IGHMBP2: variants seen among roughly 807,000 people sequenced by gnomAD.
IGHMBP2 encodes the protein DNA-binding protein SMUBP-2.
Under a neutral mutation model 96.0 loss-of-function variants are expected in IGHMBP2, and 81 were observed. That is an observed-to-expected ratio of 0.84 (90% confidence interval 0.71 to 1.01). The LOEUF (loss-of-function observed/expected upper bound fraction) is 1.01, where lower values mean the gene tolerates loss of function less well. Ranked by LOEUF, IGHMBP2 falls within the 50% of genes least tolerant of loss-of-function variation. The pLI, the probability that IGHMBP2 is intolerant of heterozygous loss-of-function variation, is 0.00. For missense variants in IGHMBP2, 1,227 were observed against 1,306.3 expected (o/e 0.94, Z 0.94); for synonymous variants, 557 against 548.9 (o/e 1.01, Z -0.21).
In IGHMBP2 at chr11:68,936,561, G is replaced by C; in HGVS notation, c.2081G>C (p.Arg694Pro). ...QEAAAPARQG[R>P]KKPAGKSLAS... is the part of the protein sequence containing the mutation. ...GCTGCAGCACCTGCCAGACAGGGCC[G>C]GAAGAAGCCGGCTGGGAAGTCTCTG... Residue 694 changes from arginine to proline, a missense_variant, in exon 13 of 15, where the codon CGG (arginine) becomes CCG (proline). By Grantham distance (103) the Arg-to-Pro change is moderately radical. Transcript: ENST00000255078. 6.2e-7 allele frequency: 1 copy of C among 1,611,984 alleles called. No individual in the cohort carries two copies. Among genetic ancestry groups the C allele is most frequent in the Non-Finnish European group, 8.5e-7 (1 of 1,178,916 alleles).
intron 12 of IGHMBP2, among the ~76,000 whole-genome samples, chr11:68,935,871 G>A (rs1187980133): frequency 6.6e-6 from 1 of 152,238 alleles, no homozygotes; most frequent in Non-Finnish European, 1.5e-5. Flanking sequence ...TTCTCAGAAG[G>A]CAGAAAGCAG....
chr11:68,928,436 G>A (rs1859151373), intron 7 of IGHMBP2, among the ~76,000 whole-genome samples: 1 of 152,170 alleles, frequency 6.6e-6, no homozygotes, highest in Non-Finnish European at 1.5e-5. Flanking sequence ...TCTTCATCAT[G>A]GCATTATGTA....
chr11:68,933,997 T>A, intron 10 of IGHMBP2, 84 bp downstream of exon 10: 1 of 969,516 alleles, frequency 1.0e-6, no homozygotes, highest in Non-Finnish European at 1.6e-6. Context: ...AATTGCCTAA[T>A]TCCGGGAGGA....
chr11:68,935,972 C>CCAGGCGGCCCCTGAGGCTGGGCTTAG (rs1412587996), intron 12 of IGHMBP2, among the ~76,000 whole-genome samples: 1 of 152,210 alleles, frequency 6.6e-6, no homozygotes, highest in Non-Finnish European at 1.5e-5. Flanking sequence ...CAGCCACACC[C>CCAGGCGGCCCCTGAGGCTGGGCTTAG]CAGGCGGCCC....
intron 13 of IGHMBP2, among the ~76,000 whole-genome samples, chr11:68,937,469 G>T (rs1030032673): frequency 4.6e-5 from 7 of 152,266 alleles, no homozygotes; most frequent in African/African-American, 1.4e-4. Flanking sequence ...CTTGCACAGC[G>T]AAAGGGTGCA....
chr11:68,911,673 A>C, intron 5 of IGHMBP2, 70 bp downstream of exon 5: 7 of 1,462,108 alleles, frequency 4.8e-6, no homozygotes, highest in Non-Finnish European at 6.7e-6. Context: ...GTGGGTGCTC[A>C]GCGACCTTTC....
chr11:68,936,004 A>G (rs1321250547), intron 12 of IGHMBP2, among the ~76,000 whole-genome samples: 3 of 152,188 alleles, frequency 2.0e-5, no homozygotes, highest in Non-Finnish European at 4.4e-5. Context: ...CTTAGAAGGA[A>G]AGGAGCGACA....
chr11:68,928,196 G>A (rs1490323511), intron 7 of IGHMBP2, among the ~76,000 whole-genome samples: 1 of 152,222 alleles, frequency 6.6e-6, no homozygotes, highest in Non-Finnish European at 1.5e-5. Flanking sequence ...CACAAGGTCA[G>A]CTTGTGGCCT....
chr11:68,907,996 C>CT, intron 2 of IGHMBP2, 149 bp from the exon 3 acceptor site: 2 of 740,472 alleles, frequency 2.7e-6, no homozygotes, highest in African/African-American at 2.3e-5. Flanking sequence ...GCCTAACTTA[C>CT]TTTCTTTTTT....
At chr11:68,916,128 C>T (rs1006437327) in intron 6 of IGHMBP2, among the ~76,000 whole-genome samples, 1 of 151,944 alleles carries the variant, frequency 6.6e-6, no homozygotes, top group Admixed American at 6.6e-5. Context: ...GAGCCATGGT[C>T]ACTCCACTGC....
chr11:68,932,865 T>C, intron 8 of IGHMBP2: 1 of 200,830 alleles, frequency 5.0e-6, no homozygotes. Context: ...ACCCATCTCC[T>C]GGTCTTTTCC....
intron 7 of IGHMBP2, among the ~76,000 whole-genome samples, chr11:68,926,811 G>C (rs538347380): frequency 6.6e-6 from 1 of 151,844 alleles, no homozygotes; most frequent in Non-Finnish European, 1.5e-5. Flanking sequence ...TGTTGCTCAG[G>C]CTGGAGTGCC....
At chr11:68,914,065 G>A (rs1242183146) in intron 5 of IGHMBP2, among the ~76,000 whole-genome samples, 1 of 152,070 alleles carries the variant, frequency 6.6e-6, no homozygotes, top group South Asian at 2.1e-4. Flanking sequence ...AACTAGGGAG[G>A]GCAAGGAGGC....
chr11:68,908,152 C>A lies in IGHMBP2; in HGVS notation c.264C>A (p.Ile88=), dbSNP rs753346884. 5.6e-6 allele frequency: 9 copies of A among 1,613,710 alleles called. No individual in the cohort carries two copies. Among genetic ancestry groups the A allele is most frequent in the Non-Finnish European group, 6.8e-6 (8 of 1,179,806 alleles). ...GAGTCTTTGTTTTTGCAGGTGATAT[C>A]GTGGGCCTGTACGATGCTGCTAATG... ...LPSNSFTSGD[I]VGLYDAANEG... is the part of the protein sequence containing the mutation. The change falls in exon 3 of 15, where the codon ATC becomes ATA. Residue 88 remains isoleucine (I), a synonymous_variant. Transcript: ENST00000255078.
chr11:68,915,104 A>T (rs998678098), intron 6 of IGHMBP2, 81 bp downstream of exon 6: 30 of 1,080,464 alleles, frequency 2.8e-5, no homozygotes, highest in Non-Finnish European at 4.2e-5. Flanking sequence ...ATCTGTCTGC[A>T]TTCCTCTTGA....
chr11:68,923,200 G>GT (rs1354224201), intron 7 of IGHMBP2, among the ~76,000 whole-genome samples: 2 of 150,516 alleles, frequency 1.3e-5, no homozygotes, highest in Admixed American at 6.6e-5. Flanking sequence ...CTTTTTTTTT[G>GT]TTTTTTTGTT....
intron 1 of IGHMBP2, 101 bp from the exon 2 acceptor site, chr11:68,905,968 A>T: frequency 8.4e-7 from 1 of 1,186,920 alleles, no homozygotes; most frequent in Non-Finnish European, 1.3e-6. Context: ...AGTGCCTGTG[A>T]GTAGATCTTT....
chr11:68,930,801 G>A (rs910599639), intron 8 of IGHMBP2, among the ~76,000 whole-genome samples: 7 of 152,124 alleles, frequency 4.6e-5, no homozygotes, highest in Non-Finnish European at 7.4e-5. Context: ...TGTCAGCAGA[G>A]GAGGCCCTGG....
intron 11 of IGHMBP2, among the ~76,000 whole-genome samples, chr11:68,935,072 A>G (rs1859471640): frequency 6.6e-6 from 1 of 152,244 alleles, no homozygotes; most frequent in African/African-American, 2.4e-5. Flanking sequence ...GGCGGCTGTC[A>G]TAAGCCAAAA....
Sources: allele counts gnomAD v4.1 joint callset (sites outside exome capture counted in the v4.1 genomes callset), GRCh38; gene constraint gnomAD v4.1.1; transcripts MANE v1.5; gene names NCBI Gene and HGNC (gene_info 2026-07-23, HGNC 2026-07-21).